Variants in BCL2L1 observed in about 807,000 individuals in gnomAD.
BCL2L1 encodes the protein bcl-2-like protein 1.
In BCL2L1, 1 loss-of-function variant was observed where a neutral mutation model predicts 18.7. That is an observed-to-expected ratio of 0.05 (90% CI 0.02 to 0.25). The LOEUF is 0.25. Among genes scored for constraint, BCL2L1 ranks in the 10% least tolerant of loss-of-function variants. The probability of loss-of-function intolerance (pLI) is 1.00; values close to 1 mark genes in which losing one functional copy is unlikely to be tolerated. For synonymous variants in BCL2L1, 103 were observed against 122.7 expected (o/e 0.84, Z 1.06); for missense variants, 207 against 304.9 (o/e 0.68, Z 2.39).
chr20:31,671,145 G>A (rs1184793892), intron 2 of BCL2L1, among the ~76,000 whole-genome samples: 1 of 152,024 alleles, frequency 6.6e-6, no homozygotes, highest in Non-Finnish European at 1.5e-5. Context: ...CTGGCGACAG[G>A]CAATGGCTAA....
intron 2 of BCL2L1, among the ~76,000 whole-genome samples, chr20:31,675,387 G>A (rs1412789000): frequency 2.6e-5 from 4 of 152,226 alleles, no homozygotes; most frequent in Non-Finnish European, 5.9e-5. Context: ...TGATAAATGT[G>A]TGCTGAATAG....
intron 2 of BCL2L1, among the ~76,000 whole-genome samples, chr20:31,697,892 G>GTTTTTTTTTTTTGTTTGTTTT (rs1555871507): frequency 1.5e-5 from 2 of 129,640 alleles, no homozygotes; most frequent in Admixed American, 1.5e-4. Context: ...TGCTGTTGCT[G>GTTTTTTTTTTTTGTTTGTTTT]TTTTTTTTTT....
chr20:31,723,739 G>T (rs1056307185), upstream of BCL2L1: 20 of 985,322 alleles, frequency 2.0e-5, no homozygotes, highest in East Asian at 1.0e-3. Flanking sequence ...TCTCACCTGC[G>T]AGCCCCGCGA....
chr20:31,723,608 G>A (rs566062575), upstream of BCL2L1: 18 of 985,494 alleles, frequency 1.8e-5, no homozygotes, highest in African/African-American at 2.4e-4. Context: ...CCTGAGAGGA[G>A]GGGCCTCGCC....
chr20:31,704,246 G>A (rs1159182284), intron 2 of BCL2L1, among the ~76,000 whole-genome samples: 1 of 151,352 alleles, frequency 6.6e-6, no homozygotes, highest in Non-Finnish European at 1.5e-5. Context: ...TGGGATTACA[G>A]GCGTGCACCA....
intron 2 of BCL2L1, chr20:31,720,519 C>T: frequency 1.0e-6 from 1 of 985,356 alleles, no homozygotes; most frequent in Non-Finnish European, 1.2e-6. Flanking sequence ...AACTTGCCTA[C>T]AGTGACCACT....
In BCL2L1 at chr20:31,673,409, T is replaced by C. The variant is rs930347179; in HGVS notation, c.565-7323A>G. 2.6e-5 allele frequency among the ~76,000 whole-genome samples: 4 copies of C among 151,166 alleles called. No homozygotes were observed. The East Asian group carries it at 7.8e-4, about 29-fold the overall frequency. On this transcript the variant is annotated intron_variant, in intron 2 of 2. Transcript: ENST00000307677. ...AACAGTAATAAAATACTTTAGGAGC[T>C]GAGGCAGGAGGATTGCTTGAGCCCA...
chr20:31,701,395 G>A (rs1206427344), intron 2 of BCL2L1, among the ~76,000 whole-genome samples: 1 of 152,150 alleles, frequency 6.6e-6, no homozygotes, highest in Admixed American at 6.6e-5. Context: ...ATGAATCTGG[G>A]CAATATTTAG....
chr20:31,690,763 G>A (rs1435410090), intron 2 of BCL2L1, among the ~76,000 whole-genome samples: 6 of 151,806 alleles, frequency 4.0e-5, no homozygotes, highest in African/African-American at 1.5e-4. Context: ...CCCACATGCT[G>A]GCTTTGAGAA....
chr20:31,698,594 A>G (rs1188869040), intron 2 of BCL2L1, among the ~76,000 whole-genome samples: 1 of 151,280 alleles, frequency 6.6e-6, no homozygotes, highest in East Asian at 2.0e-4. Context: ...GCTGGGGTAT[A>G]GTGGTGTGAA....
intron 2 of BCL2L1, among the ~76,000 whole-genome samples, chr20:31,702,020 G>T (rs944537747): frequency 6.6e-6 from 1 of 152,204 alleles, no homozygotes; most frequent in African/African-American, 2.4e-5. Context: ...CCAGGTAGAG[G>T]CTGTTGCTAT....
At chr20:31,668,833 G>A (rs1043225555) in intron 2 of BCL2L1, among the ~76,000 whole-genome samples, 3 of 150,128 alleles carry the variant, frequency 2.0e-5, no homozygotes, top group Non-Finnish European at 4.4e-5. Flanking sequence ...TCAAACTCCT[G>A]ACCTCAGGTG....
At position 31,673,514 on chromosome 20, in the gene BCL2L1, G is replaced by A. The variant is rs142131489; in HGVS notation, c.565-7428C>T. Among the ~76,000 whole-genome samples the A allele has an allele frequency of 4.9e-4, 74 of 151,858 alleles. No homozygotes were observed. The East Asian group carries it at 0.011, about 23-fold the overall frequency. ...TAAAAAAAAAAAAAAAATTAGCTGG[G>A]TGTGGTGGTATGCATCTATGGTCTC... On this transcript the variant is annotated intron_variant, in intron 2 of 2. Coordinates refer to ENST00000307677, the MANE Select transcript of BCL2L1 (RefSeq NM_138578.3).
intron 2 of BCL2L1, chr20:31,716,944 G>C (rs1003431475): frequency 6.6e-6 from 1 of 152,168 alleles, no homozygotes; most frequent in African/African-American, 2.4e-5. Context: ...CTGGGAACAA[G>C]GAAGACAGAC....
At chr20:31,711,317 G>A (rs1226756616) in intron 2 of BCL2L1, among the ~76,000 whole-genome samples, 1 of 152,230 alleles carries the variant, frequency 6.6e-6, no homozygotes, top group Non-Finnish European at 1.5e-5. Flanking sequence ...CCACCAGCAA[G>A]GAGTCAAGCT....
chr20:31,689,207 G>A (rs1334593315), intron 2 of BCL2L1, among the ~76,000 whole-genome samples: 1 of 133,310 alleles, frequency 7.5e-6, no homozygotes, highest in Non-Finnish European at 1.6e-5. Context: ...GCAAGACCCT[G>A]TCTCTATAAT....
At chr20:31,677,201 A>G (rs1221993656) in intron 2 of BCL2L1, among the ~76,000 whole-genome samples, 1 of 115,098 alleles carries the variant, frequency 8.7e-6, no homozygotes, top group Non-Finnish European at 1.7e-5. Context: ...TTTTTTTTTG[A>G]GACAGAGTCT....
chr20:31,715,645 C>T (rs2061522151), intron 2 of BCL2L1, among the ~76,000 whole-genome samples: 1 of 152,112 alleles, frequency 6.6e-6, no homozygotes, highest in Non-Finnish European at 1.5e-5. Flanking sequence ...AACAATATGC[C>T]ACCCCAAAAA....
At chr20:31,695,943 T>G (rs1339653430) in intron 2 of BCL2L1, among the ~76,000 whole-genome samples, 1 of 152,144 alleles carries the variant, frequency 6.6e-6, no homozygotes, top group Non-Finnish European at 1.5e-5. Context: ...AAATACTACC[T>G]CACATGTTAT....
Sources: gnomAD v4.1 joint callset for allele counts (sites outside exome capture counted in the v4.1 genomes callset) on GRCh38, gnomAD v4.1.1 for gene constraint, MANE v1.5 for transcripts, NCBI Gene and HGNC (gene_info 2026-07-23, HGNC 2026-07-21) for gene names.